Variants in GRM5 observed in about 807,000 individuals in gnomAD.
The protein encoded by GRM5 is glutamate metabotropic receptor 5, also known as metabotropic glutamate receptor 5.
Under a neutral mutation model 83.1 loss-of-function variants are expected in GRM5, and 19 were observed. The ratio of observed to expected loss-of-function variants is 0.23; its 90% CI spans 0.16 to 0.34. The LOEUF is 0.34. Among genes scored for constraint, GRM5 ranks in the 10% least tolerant of loss-of-function variants. The pLI is 1.00. For missense variants in GRM5, 1,160 were observed against 1,588.3 expected, an observed-to-expected ratio of 0.73 and a Z score of 4.58; for synonymous variants, 675 against 633.6, an observed-to-expected ratio of 1.07 and a Z score of -0.98.
chr11:89,013,769 T>A (rs1348831508), intron 2 of GRM5, among the ~76,000 whole-genome samples: 2 of 152,186 alleles, frequency 1.3e-5, no homozygotes, highest in Non-Finnish European at 2.9e-5. Context: ...CCAAATCCAA[T>A]GCTACCTCTT....
intron 3 of GRM5, among the ~76,000 whole-genome samples, chr11:88,730,715 G>A (rs918701447): frequency 6.6e-6 from 1 of 152,130 alleles, no homozygotes; most frequent in Non-Finnish European, 1.5e-5. Flanking sequence ...CATGTCCTTT[G>A]CAGAGACATG....
intron 3 of GRM5, 88 bp downstream of exon 3, chr11:88,849,818 G>A: frequency 7.1e-6 from 9 of 1,273,320 alleles, no homozygotes; most frequent in Middle Eastern, 1.9e-4. Flanking sequence ...AGCTTTGAAA[G>A]AATTTTTTAT....
intron 2 of GRM5, among the ~76,000 whole-genome samples, chr11:88,920,430 C>CCAAAA (rs1555041497): frequency 9.4e-5 from 1 of 10,678 alleles, no homozygotes; most frequent in Admixed American, 1.1e-3. Context: ...AAAAAAAAAC[C>CCAAAA]AAAAAAAAAA....
At chr11:88,750,159 C>T (rs1031449538) in intron 3 of GRM5, among the ~76,000 whole-genome samples, 1 of 152,086 alleles carries the variant, frequency 6.6e-6, no homozygotes, top group African/African-American at 2.4e-5. Context: ...GACGAAGAGC[C>T]AAGACCCATT....
chr11:89,065,487 C>T (rs1249433047), intron 1 of GRM5, among the ~76,000 whole-genome samples: 1 of 151,996 alleles, frequency 6.6e-6, no homozygotes, highest in African/African-American at 2.4e-5. Context: ...CTTCATAAAC[C>T]TCCCATTGGA....
intron 6 of GRM5, among the ~76,000 whole-genome samples, chr11:88,596,627 A>G (rs1937813157): frequency 6.6e-6 from 1 of 152,012 alleles, no homozygotes; most frequent in Non-Finnish European, 1.5e-5. Flanking sequence ...CTGAAATCAT[A>G]TTCATTTTCT....
At chr11:88,862,964 C>G (rs1944592136) in intron 2 of GRM5, among the ~76,000 whole-genome samples, 1 of 152,122 alleles carries the variant, frequency 6.6e-6, no homozygotes, top group Non-Finnish European at 1.5e-5. Context: ...CATGAACAAA[C>G]ACTTCTCAAA....
intron 4 of GRM5, among the ~76,000 whole-genome samples, chr11:88,622,124 A>T (rs2135257954): frequency 6.6e-6 from 1 of 152,308 alleles, no homozygotes; most frequent in East Asian, 1.9e-4. Flanking sequence ...TATTTTCTAT[A>T]AGCCATTTTA....
At chr11:88,728,827 C>T (rs1414158269) in intron 3 of GRM5, among the ~76,000 whole-genome samples, 1 of 152,142 alleles carries the variant, frequency 6.6e-6, no homozygotes, top group Non-Finnish European at 1.5e-5. Flanking sequence ...TTCAACACCC[C>T]TTCATGCTAA....
At chr11:88,793,976 C>G (rs544673082) in intron 3 of GRM5, among the ~76,000 whole-genome samples, 2 of 152,216 alleles carry the variant, frequency 1.3e-5, no homozygotes, top group South Asian at 4.1e-4. Context: ...ACTACAGGCA[C>G]ACACCACTAT....
chr11:88,545,575 T>C (rs1456593001), intron 8 of GRM5, among the ~76,000 whole-genome samples: 3 of 151,796 alleles, frequency 2.0e-5, no homozygotes, highest in Middle Eastern at 3.2e-3. Context: ...CTCCTTGAGG[T>C]TGAATTACAC....
Position 89,015,116 on chromosome 11 carries a change from A to G in GRM5, c.661+32096T>C, listed in dbSNP as rs188976736. On this transcript the variant is annotated intron_variant, in intron 2 of 9. Transcript: ENST00000305447. Reference sequence around the variant, plus strand: ...GTGAGTTTACATATTACATAACTTAATATTTATTTGAACTTGGACTCGTCA... The same window carrying G: ...GTGAGTTTACATATTACATAACTTAGTATTTATTTGAACTTGGACTCGTCA... Among the ~76,000 whole-genome samples the G allele has an allele frequency of 6.6e-4, 100 of 152,342 alleles. 1 individual carries two copies. Among genetic ancestry groups the G allele is most frequent in the African/African-American group, 2.3e-3 (97 of 41,582 alleles).
intron 2 of GRM5, among the ~76,000 whole-genome samples, chr11:88,900,145 C>A (rs192629528): frequency 6.6e-6 from 1 of 151,938 alleles, no homozygotes; most frequent in Non-Finnish European, 1.5e-5. Flanking sequence ...TAGCTTCTAC[C>A]GTAGATTGAT....
chr11:88,781,515 C>T (rs77363081), intron 3 of GRM5, among the ~76,000 whole-genome samples: 4,414 of 152,192 alleles, frequency 0.029, 217 homozygotes, highest in African/African-American at 0.099. Context: ...GGCAAAGGCA[C>T]GGTGCAGTAC....
chr11:88,542,821 C>T (rs1942298629), intron 8 of GRM5, among the ~76,000 whole-genome samples: 1 of 152,166 alleles, frequency 6.6e-6, no homozygotes, highest in South Asian at 2.1e-4. Context: ...GTACTCGCAG[C>T]ACTTTGGGAG....
intron 3 of GRM5, among the ~76,000 whole-genome samples, chr11:88,834,076 A>C: frequency 6.6e-6 from 1 of 152,176 alleles, no homozygotes; most frequent in East Asian, 1.9e-4. Context: ...CATTAACAAA[A>C]ATATATTGTT....
intron 3 of GRM5, among the ~76,000 whole-genome samples, chr11:88,807,505 A>G (rs1943517472): frequency 6.6e-6 from 1 of 152,158 alleles, no homozygotes; most frequent in African/African-American, 2.4e-5. Context: ...ATGGGAAGCA[A>G]TTAAGATTGA....
intron 3 of GRM5, 96 bp downstream of exon 3, chr11:88,849,810 C>T: frequency 1.7e-6 from 2 of 1,191,746 alleles, no homozygotes; most frequent in Admixed American, 2.0e-5. Context: ...ACAGATTAAG[C>T]TTTGAAAGAA....
intron 3 of GRM5, among the ~76,000 whole-genome samples, chr11:88,781,885 T>C (rs1942982693): frequency 6.6e-6 from 1 of 152,172 alleles, no homozygotes; most frequent in Non-Finnish European, 1.5e-5. Context: ...GCCCACAGCA[T>C]TGCTGCATGA....
Sources: allele counts gnomAD v4.1 joint callset (sites outside exome capture counted in the v4.1 genomes callset), GRCh38; gene constraint gnomAD v4.1.1; transcripts MANE v1.5; gene names NCBI Gene and HGNC (gene_info 2026-07-23, HGNC 2026-07-21).